Variants in DCUN1D4 observed in about 807,000 individuals in gnomAD.
DCUN1D4 encodes the protein defective in cullin neddylation 1 domain containing 4.
DCUN1D4 carries 22 observed loss-of-function variants against 47.9 expected under a neutral mutation model. The observed-to-expected ratio is 0.46, with a 90% CI of 0.33 to 0.66. The LOEUF is 0.66. Ranked by LOEUF, DCUN1D4 falls within the 30% of genes least tolerant of loss-of-function variation. The pLI, the probability that DCUN1D4 is intolerant of heterozygous loss-of-function variation, is 0.02. For missense variants in DCUN1D4, 301 were observed against 340.8 expected (o/e 0.88, Z 0.92); for synonymous variants, 121 against 112.2 (o/e 1.08, Z -0.50).
intron 1 of DCUN1D4, chr4:51,843,640 G>A (rs1414154320): frequency 3.2e-6 from 4 of 1,255,418 alleles, no homozygotes; most frequent in South Asian, 3.5e-5. Context: ...ATGTGGGGGG[G>A]TGGCACCGGC....
the DCUN1D4 span, among the ~76,000 whole-genome samples, chr4:51,834,932 C>A: frequency 1.3e-5 from 2 of 152,348 alleles, no homozygotes; most frequent in Admixed American, 6.5e-5. Flanking sequence ...ATCCTCTAAT[C>A]TGCTTATCAA....
chr4:51,894,140 G>T (rs939934792), intron 7 of DCUN1D4, among the ~76,000 whole-genome samples: 5 of 152,140 alleles, frequency 3.3e-5, no homozygotes, highest in African/African-American at 1.2e-4. Context: ...GCAATTCAGG[G>T]TTTAGTGACA....
intron 1 of DCUN1D4, among the ~76,000 whole-genome samples, chr4:51,855,756 A>G (rs774778742): frequency 5.9e-5 from 9 of 152,174 alleles, no homozygotes; most frequent in Non-Finnish European, 2.9e-5. Context: ...TCAGTGATTC[A>G]AGTAAAAGGT....
chr4:51,887,037 G>A (rs1729599633), intron 6 of DCUN1D4: 1 of 451,064 alleles, frequency 2.2e-6, no homozygotes, highest in African/African-American at 2.0e-5. Flanking sequence ...ATGATTTTGA[G>A]TAGATTGTAA....
intron 1 of DCUN1D4, among the ~76,000 whole-genome samples, chr4:51,859,357 A>C (rs1724656951): frequency 6.6e-6 from 1 of 152,114 alleles, no homozygotes; most frequent in African/African-American, 2.4e-5. Flanking sequence ...ATATTTTGCA[A>C]GTGACTATGG....
At chr4:51,913,484 T>G in intron 10 of DCUN1D4, 45 bp from the exon 11 acceptor site, 1 of 1,570,012 alleles carries the variant, frequency 6.4e-7, no homozygotes, top group African/African-American at 1.4e-5. Flanking sequence ...TTATTATTAT[T>G]GTTATTATTA....
At chr4:51,895,170 G>C (rs1273560273) in intron 7 of DCUN1D4, among the ~76,000 whole-genome samples, 1 of 150,732 alleles carries the variant, frequency 6.6e-6, no homozygotes, top group African/African-American at 2.4e-5. Context: ...CAAACATTCA[G>C]ACCCTTCATT....
intron 7 of DCUN1D4, 71 bp downstream of exon 7, chr4:51,891,922 T>G (rs1730491218): frequency 1.7e-6 from 2 of 1,187,000 alleles, no homozygotes; most frequent in Non-Finnish European, 2.4e-6. Context: ...CCCTAGGACT[T>G]CAGGAGGTGA....
chr4:51,878,024 A>C, intron 5 of DCUN1D4, 170 bp downstream of exon 5: 1 of 388,254 alleles, frequency 2.6e-6, no homozygotes, highest in East Asian at 3.8e-5. Flanking sequence ...CAGATAGCCT[A>C]TTTTATAGCC....
chr4:51,873,015 A>G (rs1009073303), intron 3 of DCUN1D4, among the ~76,000 whole-genome samples: 2 of 152,238 alleles, frequency 1.3e-5, no homozygotes, highest in Non-Finnish European at 2.9e-5. Context: ...TAGCTATATA[A>G]CATTTCTCAT....
At chr4:51,856,095 A>G (rs1724096282) in intron 1 of DCUN1D4, among the ~76,000 whole-genome samples, 1 of 152,198 alleles carries the variant, frequency 6.6e-6, no homozygotes, top group Non-Finnish European at 1.5e-5. Context: ...TGTTCCAGAG[A>G]CATTTAGATG....
chr4:51,910,833 A>G (rs906956233), intron 8 of DCUN1D4: 5 of 540,108 alleles, frequency 9.3e-6, no homozygotes, highest in African/African-American at 7.9e-5. Flanking sequence ...CATTAGGGTG[A>G]TCATTCAGTT....
At chr4:51,834,808 A>G in the DCUN1D4 span, among the ~76,000 whole-genome samples, 2 of 152,100 alleles carry the variant, frequency 1.3e-5, no homozygotes, top group Non-Finnish European at 2.9e-5. Flanking sequence ...GGAGCAAATG[A>G]CGCACGTCTG....
At chr4:51,834,091 C>CTTTTTTTTTT in the DCUN1D4 span, among the ~76,000 whole-genome samples, 1 of 49,524 alleles carries the variant, frequency 2.0e-5, no homozygotes, top group Non-Finnish European at 3.5e-5. Context: ...TCTCTCTTTT[C>CTTTTTTTTTT]TTTTCTTCTT....
Position 51,843,204 on chromosome 4 carries a change from G to T in DCUN1D4, c.-39G>T. 3 of 1,539,310 alleles carry T rather than the reference G, an allele frequency of 1.9e-6. No individual in the cohort carries two copies. The highest frequency in any genetic ancestry group is 2.6e-6 in the Non-Finnish European group (3 of 1,143,026). On this transcript the variant is annotated 5_prime_UTR_variant, in exon 1 of 11. Transcript: ENST00000334635. ...GGTGGGGGGACCGCGAGGCGAGCGC[G>T]GGAGCCTGGGCGGCGAGCCGGGTGT... is the stretch of plus-strand genomic sequence containing the variant.
intron 1 of DCUN1D4, among the ~76,000 whole-genome samples, chr4:51,855,701 A>G (rs557718123): frequency 1.5e-4 from 23 of 152,300 alleles, no homozygotes; most frequent in African/African-American, 5.1e-4. Context: ...CCTTGTGAGG[A>G]CTAGAATTTT....
the DCUN1D4 span, among the ~76,000 whole-genome samples, chr4:51,837,286 GAA>G: frequency 1.3e-5 from 2 of 152,182 alleles, no homozygotes; most frequent in East Asian, 1.9e-4. Flanking sequence ...GAGTAAAAAG[GAA>G]AAGAGTCAGT....
chr4:51,910,889 C>T, intron 8 of DCUN1D4, 181 bp from the exon 9 acceptor site: 2 of 597,878 alleles, frequency 3.3e-6, no homozygotes, highest in South Asian at 2.1e-5. Flanking sequence ...TCGTAATGCC[C>T]AAGCCTTCCA....
intron 9 of DCUN1D4, among the ~76,000 whole-genome samples, chr4:51,912,643 C>T (rs553637636): frequency 2.6e-5 from 4 of 152,168 alleles, no homozygotes; most frequent in East Asian, 1.9e-4. Context: ...GCAAATTTCT[C>T]GTCTAAGAGG....
Sources: gnomAD v4.1 joint callset for allele counts (sites outside exome capture counted in the v4.1 genomes callset) on GRCh38, gnomAD v4.1.1 for gene constraint, MANE v1.5 for transcripts, NCBI Gene and HGNC (gene_info 2026-07-23, HGNC 2026-07-21) for gene names.